Variants in CELF2 observed in about 807,000 individuals in gnomAD.
The protein encoded by CELF2 is CUGBP Elav-like family member 2.
In CELF2, 8 loss-of-function variants were observed where a neutral mutation model predicts 62.6. That is an observed-to-expected ratio of 0.13 (90% CI 0.07 to 0.23). CELF2 has a LOEUF of 0.23. CELF2 is among the 10% of genes least tolerant of loss of function. The probability of loss-of-function intolerance (pLI) is 1.00; values close to 1 mark genes in which losing one functional copy is unlikely to be tolerated. For synonymous variants in CELF2, 258 were observed against 250.0 expected (o/e 1.03, Z -0.30); for missense variants, 333 against 671.0 (o/e 0.50, Z 5.56).
rs2096007031 is a variant in CELF2 at position 11,331,196 on chromosome 10, G to T, written c.*2143G>T. On this transcript the variant is annotated 3_prime_UTR_variant, in exon 13 of 13. Transcript: ENST00000633077. The stretch of plus-strand genomic sequence containing the variant: ...GGTTACTGTAAACTGTGTTATGTTG[G>T]TGCTTCTGTGAATTAAGTTGTGGTT... The T allele has an allele frequency of 6.6e-6, 1 of 151,594 alleles. No homozygotes were observed. The highest frequency in any genetic ancestry group is 2.4e-5 in the African/African-American group (1 of 41,042). 9.4% of individuals were successfully genotyped at this position (151,594 alleles called of 1,614,324 possible).
chr10:10,772,458 G>A, the CELF2 span, among the ~76,000 whole-genome samples: 2 of 152,224 alleles, frequency 1.3e-5, no homozygotes, highest in African/African-American at 2.4e-5. Context: ...CAATTTAAAT[G>A]CTGTGTCTTC....
At chr10:10,830,272 G>T (rs1308973925) in intron 1 of CELF2, among the ~76,000 whole-genome samples, 1 of 115,678 alleles carries the variant, frequency 8.6e-6, no homozygotes, top group Non-Finnish European at 1.7e-5. Flanking sequence ...ATGCCATGGA[G>T]TTCCTTTAAA....
chr10:10,795,993 A>T (rs1223741783), upstream of CELF2, among the ~76,000 whole-genome samples: 1 of 151,982 alleles, frequency 6.6e-6, no homozygotes, highest in Non-Finnish European at 1.5e-5. Flanking sequence ...CGTAACAATA[A>T]TTGTTATATT....
intron 4 of CELF2, among the ~76,000 whole-genome samples, chr10:11,249,618 T>G (rs558560249): frequency 6.6e-6 from 1 of 151,920 alleles, no homozygotes; most frequent in Admixed American, 6.5e-5. Flanking sequence ...TTGGTTTTTG[T>G]TTTTTTACCT....
intron 2 of CELF2, among the ~76,000 whole-genome samples, chr10:11,205,611 A>G (rs1231436085): frequency 6.6e-6 from 1 of 152,180 alleles, no homozygotes; most frequent in African/African-American, 2.4e-5. Context: ...GAATGACTGT[A>G]CCAGCCTCAC....
the CELF2 span, among the ~76,000 whole-genome samples, chr10:10,470,831 T>C: frequency 2.0e-5 from 3 of 151,102 alleles, no homozygotes; most frequent in Non-Finnish European, 3.0e-5. Context: ...GATTAAAGCA[T>C]GGACAGCTTT....
intron 2 of CELF2, among the ~76,000 whole-genome samples, chr10:10,959,696 T>C (rs2049280326): frequency 6.6e-6 from 1 of 152,210 alleles, no homozygotes; most frequent in Non-Finnish European, 1.5e-5. Context: ...CTTGCATCTT[T>C]CTGGTCCTTC....
chr10:10,582,187 A>G, the CELF2 span, among the ~76,000 whole-genome samples: 1 of 152,198 alleles, frequency 6.6e-6, no homozygotes, highest in Admixed American at 6.5e-5. Flanking sequence ...ATTTTCCTGT[A>G]TACTGGCCCG....
chr10:10,867,212 T>C (rs74666247), intron 1 of CELF2, among the ~76,000 whole-genome samples: 8 of 152,292 alleles, frequency 5.3e-5, no homozygotes, highest in Admixed American at 2.6e-4. Flanking sequence ...ATGATGTCAC[T>C]GAGTGCAGCT....
chr10:10,616,709 T>C, the CELF2 span, among the ~76,000 whole-genome samples: 2 of 128,620 alleles, frequency 1.6e-5, no homozygotes, highest in Non-Finnish European at 3.5e-5. Context: ...TGTGTGTGTG[T>C]GTGTGTGTGT....
chr10:11,089,437 C>T (rs1226581162), intron 1 of CELF2, among the ~76,000 whole-genome samples: 1 of 152,040 alleles, frequency 6.6e-6, no homozygotes, highest in Non-Finnish European at 1.5e-5. Flanking sequence ...GAGATAGTGG[C>T]CAGAGATAAG....
At chr10:10,677,795 A>C in the CELF2 span, among the ~76,000 whole-genome samples, 5 of 152,206 alleles carry the variant, frequency 3.3e-5, no homozygotes, top group Non-Finnish European at 7.3e-5. Context: ...CTAAGCAATG[A>C]AACAAGTTGC....
At chr10:11,033,459 G>A (rs1350972251) in intron 1 of CELF2, among the ~76,000 whole-genome samples, 3 of 152,126 alleles carry the variant, frequency 2.0e-5, no homozygotes, top group African/African-American at 7.2e-5. Context: ...GTTTCTCTAT[G>A]TTGGTCAGGC....
At chr10:10,565,028 G>C in the CELF2 span, among the ~76,000 whole-genome samples, 8 of 152,202 alleles carry the variant, frequency 5.3e-5, no homozygotes, top group African/African-American at 1.9e-4. Flanking sequence ...TTCCAGGATT[G>C]TACAGCCGAA....
chr10:10,593,874 T>G, the CELF2 span, among the ~76,000 whole-genome samples: 1 of 152,134 alleles, frequency 6.6e-6, no homozygotes, highest in African/African-American at 2.4e-5. Flanking sequence ...TTCCCATCTG[T>G]GAAGTGGATA....
rs975166787 is a variant in CELF2 at position 11,329,785 on chromosome 10, T to A, written c.*732T>A. ...TCTTAAAGCTACAGGGTTTAAAAAA[T>A]AAAAATGAGTGAAAATACTTGATGT... On this transcript the variant is annotated 3_prime_UTR_variant, in exon 13 of 13. Transcript: ENST00000633077. The surrounding 1 kb of genome is among the most constrained non-coding windows in gnomAD (Gnocchi z 5.5). The A allele has an allele frequency of 6.6e-6, 1 of 152,032 alleles. No homozygotes were observed. Among genetic ancestry groups the A allele is most frequent in the African/African-American group, 2.4e-5 (1 of 41,420 alleles). The allele number at this position is 152,032 out of a possible 1,614,324, so 9.4% of individuals were successfully genotyped here.
chr10:10,689,105 C>T, the CELF2 span, among the ~76,000 whole-genome samples: 1 of 152,134 alleles, frequency 6.6e-6, no homozygotes, highest in Admixed American at 6.5e-5. Flanking sequence ...TTAGTCCATC[C>T]TCATACTGCT....
chr10:11,099,678 A>G (rs1277102969), intron 1 of CELF2, among the ~76,000 whole-genome samples: 2 of 152,118 alleles, frequency 1.3e-5, no homozygotes, highest in East Asian at 1.9e-4. Flanking sequence ...TTATTCTTCA[A>G]CACATTTCTT....
intron 1 of CELF2, among the ~76,000 whole-genome samples, chr10:11,064,215 C>T (rs2067501278): frequency 6.6e-6 from 1 of 152,164 alleles, no homozygotes; most frequent in Admixed American, 6.5e-5. Flanking sequence ...ATTCTTAGAT[C>T]TGGGCTAGGT....
Sources: gnomAD v4.1 joint callset for allele counts (sites outside exome capture counted in the v4.1 genomes callset) on GRCh38, gnomAD v4.1.1 for gene constraint, Gnocchi (gnomAD v3.1) non-coding constraint, MANE v1.5 for transcripts, NCBI Gene and HGNC (gene_info 2026-07-23, HGNC 2026-07-21) for gene names.